The following TPGS2 variants were observed in gnomAD, a reference collection of about 807,000 sequenced individuals.
The protein encoded by TPGS2 is tubulin polyglutamylase complex subunit 2, also known as polyglutamylase subunit 2.
TPGS2 carries 26 observed loss-of-function variants against 31.1 expected under a neutral mutation model. The ratio of observed to expected loss-of-function variants is 0.84; its 90% CI spans 0.61 to 1.16. The LOEUF is 1.16. Ranked by LOEUF, TPGS2 falls within the 50% of genes most tolerant of loss-of-function variation. The pLI, the probability that TPGS2 is intolerant of heterozygous loss-of-function variation, is 0.00. For missense variants in TPGS2, 351 were observed against 363.8 expected (o/e 0.96, Z 0.29); for synonymous variants, 130 against 136.6 (o/e 0.95, Z 0.34).
rs570725877 is a variant in TPGS2 at position 36,825,863 on chromosome 18, G to T, written c.85+2820C>A. 3.9e-5 allele frequency among the ~76,000 whole-genome samples: 6 copies of T among 152,312 alleles called. No homozygotes were observed. The South Asian group carries it at 1.2e-3, about 32-fold the overall frequency. ...TGAGATTTTGATGGGAACTGGAGAT[G>T]TGAGATTTGTAGATCAATTTGGGGA... On this transcript the variant is annotated intron_variant, in intron 1 of 6. Transcript: ENST00000334295.
rs1214624181 is a variant in TPGS2 at position 36,796,940 on chromosome 18, G to T, written c.768C>A (p.Asn256Lys). Residue 256 changes from asparagine (N) to lysine (K), a missense_variant, in exon 7 of 7, where the codon AAC (asparagine) becomes AAA (lysine). Physicochemically the swap from Asn to Lys is moderately conservative, Grantham distance 94. Transcript: ENST00000334295. ...LDPSKVFKSK[N>K]KIVIPKKKGP... is the part of the protein sequence containing the mutation. ...CTTTCTTTTTTGGGATTACGATCTTGTTCTTGCTCTTAAACACTTTGCTGG... is the reference window on the plus strand; with the variant it reads ...CTTTCTTTTTTGGGATTACGATCTTTTTCTTGCTCTTAAACACTTTGCTGG... 6.2e-7 allele frequency: 1 copy of T among 1,607,352 alleles called. No homozygotes were observed. The highest frequency in any genetic ancestry group is 2.2e-5 in the East Asian group (1 of 44,798).
chr18:36,802,458 A>G (rs1198311568), intron 4 of TPGS2, among the ~76,000 whole-genome samples: 1 of 152,200 alleles, frequency 6.6e-6, no homozygotes, highest in Admixed American at 6.5e-5. Context: ...AGATTCTGCC[A>G]TATTATAAAC....
intron 1 of TPGS2, among the ~76,000 whole-genome samples, chr18:36,827,451 A>G (rs1405735731): frequency 6.6e-6 from 1 of 152,260 alleles, no homozygotes; most frequent in Non-Finnish European, 1.5e-5. Context: ...AGATAATTCC[A>G]GGTGCAAGGA....
chr18:36,812,462 T>C lies in TPGS2; in HGVS notation c.166-4528A>G, dbSNP rs1268614151. ...TCCATAAAAACCCAAAAGACAGAGT[T>C]TGAAGAGCTTCCGGACAGCTGAGCA... On this transcript the variant is annotated intron_variant, in intron 2 of 6. Coordinates refer to ENST00000334295, the MANE Select transcript of TPGS2 (RefSeq NM_015476.4). 2.0e-5 allele frequency among the ~76,000 whole-genome samples: 3 copies of C among 152,158 alleles called. 1 individual carries two copies. The highest frequency in any genetic ancestry group is 4.1e-4 in the South Asian group (2 of 4,832).
intron 6 of TPGS2, among the ~76,000 whole-genome samples, chr18:36,788,272 C>T (rs939362288): frequency 6.6e-6 from 1 of 152,064 alleles, no homozygotes; most frequent in African/African-American, 2.4e-5. Flanking sequence ...GCTCAATAAA[C>T]ATACATTCTA....
In TPGS2 at chr18:36,795,939, T is replaced by TTTTG. The variant is rs1244126264; in HGVS notation, c.*862_*865dup. 2 of 985,336 alleles carry TTTTG rather than the reference T, an allele frequency of 2.0e-6. No homozygotes were observed. Among genetic ancestry groups the TTTTG allele is most frequent in the African/African-American group, 3.5e-5 (2 of 57,240 alleles). 61.0% of individuals were successfully genotyped at this position (985,336 alleles called of 1,614,324 possible). Reference sequence around the variant, plus strand: ...TTGTGCAAAACAATGTTTGGGAATTTTTTGTTTTTAAATGGTAAGAATAAA... The same window carrying TTTTG: ...TTGTGCAAAACAATGTTTGGGAATTTTTTGTTTGTTTTTAAATGGTAAGAATAAA... On this transcript the variant is annotated 3_prime_UTR_variant, in exon 7 of 7. Coordinates refer to ENST00000334295, the MANE Select transcript of TPGS2 (RefSeq NM_015476.4).
intron 3 of TPGS2, 105 bp downstream of exon 3, chr18:36,807,742 T>G: frequency 9.6e-7 from 1 of 1,043,354 alleles, no homozygotes; most frequent in Non-Finnish European, 1.4e-6. Flanking sequence ...GGGGCACCCA[T>G]GAAAACCATC....
At chr18:36,786,889 G>A in intron 6 of TPGS2, 1 of 1,234,352 alleles carries the variant, frequency 8.1e-7, no homozygotes, top group Non-Finnish European at 1.0e-6. Context: ...TTGCGACACT[G>A]TTGTTCCCAT....
downstream of TPGS2, among the ~76,000 whole-genome samples, chr18:36,793,806 C>T (rs942723472): frequency 6.6e-6 from 1 of 151,162 alleles, no homozygotes; most frequent in African/African-American, 2.4e-5. Context: ...GGTATGATCT[C>T]GGCTCACTGC....
At chr18:36,803,447 C>T (rs1210399585) in intron 4 of TPGS2, among the ~76,000 whole-genome samples, 1 of 152,088 alleles carries the variant, frequency 6.6e-6, no homozygotes, top group Non-Finnish European at 1.5e-5. Flanking sequence ...GTAATTTTCT[C>T]CACATCAGTA....
intron 6 of TPGS2, among the ~76,000 whole-genome samples, chr18:36,788,148 T>G (rs1455997130): frequency 6.6e-6 from 1 of 152,216 alleles, no homozygotes; most frequent in Non-Finnish European, 1.5e-5. Flanking sequence ...CGGATTACCA[T>G]TTTTTAATGG....
chr18:36,787,311 A>G (rs962078737), intron 6 of TPGS2, among the ~76,000 whole-genome samples: 2 of 152,130 alleles, frequency 1.3e-5, no homozygotes, highest in African/African-American at 4.8e-5. Context: ...TCTTTCAGAA[A>G]ACTAACCAAA....
intron 2 of TPGS2, 80 bp from the exon 3 acceptor site, chr18:36,808,014 C>T (rs567269076): frequency 1.5e-5 from 21 of 1,356,278 alleles, no homozygotes; most frequent in South Asian, 1.2e-4. Context: ...ACTGGGGACA[C>T]GTTTAGCATG....
At chr18:36,808,490 T>A (rs1207457190) in intron 2 of TPGS2, among the ~76,000 whole-genome samples, 4 of 151,812 alleles carry the variant, frequency 2.6e-5, no homozygotes, top group Non-Finnish European at 4.4e-5. Context: ...TACAAAAAAT[T>A]AGCAGGGTGT....
chr18:36,824,932 C>T (rs1254098952), intron 1 of TPGS2, among the ~76,000 whole-genome samples: 1 of 152,072 alleles, frequency 6.6e-6, no homozygotes, highest in East Asian at 1.9e-4. Flanking sequence ...AACTCAATGT[C>T]ACTTAAAAAA....
chr18:36,802,713 T>C (rs2044884503), intron 4 of TPGS2, among the ~76,000 whole-genome samples: 1 of 152,088 alleles, frequency 6.6e-6, no homozygotes. Context: ...CTGCAACCTC[T>C]GCCTCCTGGG....
At chr18:36,791,674 A>G (rs2044314799), downstream of TPGS2, among the ~76,000 whole-genome samples, 1 of 152,174 alleles carries the variant, frequency 6.6e-6, no homozygotes. Context: ...AATGGAGGCC[A>G]TGTGTGTTAA....
rs529891268 is a variant in TPGS2, at chr18:36,809,829, G to C, written c.166-1895C>G. 3.6e-4 allele frequency among the ~76,000 whole-genome samples: 55 copies of C among 152,258 alleles called. No homozygotes were observed. In the South Asian group the frequency reaches 0.01, roughly 28 times the overall value. On this transcript the variant is annotated intron_variant, in intron 2 of 6. Coordinates refer to ENST00000334295, the MANE Select transcript of TPGS2 (RefSeq NM_015476.4). ...GGGGATTCCATGAGATCCAGGCTGA[G>C]GGCAGGTGGACTATTTGGCATTGTT...
At chr18:36,819,912 G>A (rs940544947) in intron 1 of TPGS2, among the ~76,000 whole-genome samples, 12 of 152,166 alleles carry the variant, frequency 7.9e-5, no homozygotes, top group African/African-American at 2.9e-4. Context: ...AGAACAACAT[G>A]TAGCCAGGTA....
Sources: gnomAD v4.1 joint callset for allele counts (sites outside exome capture counted in the v4.1 genomes callset) on GRCh38, gnomAD v4.1.1 for gene constraint, MANE v1.5 for transcripts, NCBI Gene and HGNC (gene_info 2026-07-23, HGNC 2026-07-21) for gene names.